The following THSD4 variants were observed in gnomAD, a reference collection of about 807,000 sequenced individuals.
THSD4 encodes thrombospondin type 1 domain containing 4.
A neutral mutation model predicts 119.0 loss-of-function variants in THSD4; 69 were observed. That is an observed-to-expected ratio of 0.58 (90% confidence interval 0.48 to 0.71). The LOEUF (loss-of-function observed/expected upper bound fraction) is 0.71, where lower values mean the gene tolerates loss of function less well. Among genes scored for constraint, THSD4 ranks in the 30% least tolerant of loss-of-function variants. THSD4 has a pLI of 0.00. For synonymous variants in THSD4, 524 were observed against 540.4 expected, an observed-to-expected ratio of 0.97 and a Z score of 0.42; for missense variants, 1,393 against 1,391.1, an observed-to-expected ratio of 1.00 and a Z score of -0.02.
At chr15:71,388,963 G>A (rs2046331870) in intron 6 of THSD4, among the ~76,000 whole-genome samples, 1 of 152,056 alleles carries the variant, frequency 6.6e-6, no homozygotes. Flanking sequence ...AGTCTCATGA[G>A]ATTTGATGGT....
rs71154789 is a variant in THSD4, at chr15:71,584,262, C to CTTTTTTTTTTT, written c.1153-76255_1153-76245dup. Among the ~76,000 whole-genome samples the CTTTTTTTTTTT allele has an allele frequency of 6.7e-3, 416 of 61,782 alleles. 13 individuals carry two copies. The highest frequency in any genetic ancestry group is 8.7e-3 in the Non-Finnish European group (317 of 36,396). The allele number at this position is 61,782 out of a possible 152,430, so 40.5% of individuals were successfully genotyped here. A position where few individuals can be genotyped will look rare whatever the true frequency, so the allele number is the denominator to read the frequency against. On this transcript the variant is annotated intron_variant, in intron 7 of 17. Coordinates refer to ENST00000261862, the MANE Select transcript of THSD4 (RefSeq NM_024817.3). ...TCACGTGGATTTTTTTTTTCACTTT[C>CTTTTTTTTTTT]TTTTTTTTTTTTTTTTTTTTTTTGA...
intron 1 of THSD4, among the ~76,000 whole-genome samples, chr15:71,117,197 T>A (rs987767624): frequency 3.3e-5 from 5 of 152,186 alleles, no homozygotes; most frequent in Non-Finnish European, 5.9e-5. Flanking sequence ...TGCCCAGCAC[T>A]GGGCGGGGCA....
chr15:71,310,084 T>G lies in THSD4; in HGVS notation c.1015+53369T>G, dbSNP rs564826771. ...AGCTATCAGTTGGATAATGCTAGTA[T>G]TAGGAGGTGATTTTCAAACCGTGGT... On this transcript the variant is annotated intron_variant, in intron 6 of 17. Coordinates refer to ENST00000261862, the MANE Select transcript of THSD4 (RefSeq NM_024817.3). Among the ~76,000 whole-genome samples, 148 of 152,300 alleles carry G rather than the reference T, an allele frequency of 9.7e-4. 4 individuals carry two copies. The South Asian group carries it at 0.03, about 31-fold the overall frequency.
chr15:71,432,595 G>A (rs1316711088), intron 7 of THSD4, among the ~76,000 whole-genome samples: 2 of 141,080 alleles, frequency 1.4e-5, no homozygotes, highest in African/African-American at 5.3e-5. Flanking sequence ...TGTAAATCTT[G>A]CTTGCAAGAG....
chr15:71,631,880 A>G (rs2050636472), intron 7 of THSD4, among the ~76,000 whole-genome samples: 1 of 152,290 alleles, frequency 6.6e-6, no homozygotes, highest in East Asian at 1.9e-4. Context: ...ATTCCGTCCA[A>G]TATCCCAAGC....
chr15:71,346,857 A>AT (rs1296728950), intron 6 of THSD4, among the ~76,000 whole-genome samples: 1 of 116,308 alleles, frequency 8.6e-6, no homozygotes, highest in African/African-American at 3.2e-5. Context: ...CATAAGTTTC[A>AT]TTTTCATTTT....
intron 7 of THSD4, among the ~76,000 whole-genome samples, chr15:71,460,474 G>T (rs575386619): frequency 6.6e-6 from 1 of 152,090 alleles, no homozygotes; most frequent in African/African-American, 2.4e-5. Context: ...TGCCAGTAGG[G>T]CTGGATGGCA....
At chr15:71,322,932 A>G (rs2045288037) in intron 6 of THSD4, among the ~76,000 whole-genome samples, 1 of 151,942 alleles carries the variant, frequency 6.6e-6, no homozygotes, top group Non-Finnish European at 1.5e-5. Flanking sequence ...CTCAGTCTCA[A>G]CTAAAACTCC....
intron 8 of THSD4, among the ~76,000 whole-genome samples, chr15:71,673,362 A>G (rs1157823754): frequency 6.6e-6 from 1 of 151,998 alleles, no homozygotes; most frequent in Non-Finnish European, 1.5e-5. Context: ...TATTGCGTCT[A>G]TTTGATTCTT....
chr15:71,529,486 C>T (rs2048578056), intron 7 of THSD4, among the ~76,000 whole-genome samples: 1 of 152,170 alleles, frequency 6.6e-6, no homozygotes, highest in East Asian at 1.9e-4. Context: ...ATGAGGTTCT[C>T]TGTCAGCAGG....
intron 7 of THSD4, among the ~76,000 whole-genome samples, chr15:71,504,958 G>T (rs1464360334): frequency 1.3e-5 from 2 of 152,160 alleles, no homozygotes; most frequent in African/African-American, 4.8e-5. Context: ...GCATGGTCAG[G>T]TGTGTTGTAG....
At chr15:71,423,862 G>C (rs1163717029) in intron 7 of THSD4, among the ~76,000 whole-genome samples, 1 of 152,174 alleles carries the variant, frequency 6.6e-6, no homozygotes, top group Admixed American at 6.5e-5. Flanking sequence ...CAACCACTGG[G>C]ATGGATGAGT....
At chr15:71,732,581 A>T (rs973169442) in intron 10 of THSD4, 1 of 152,170 alleles carries the variant, frequency 6.6e-6, no homozygotes, top group African/African-American at 2.4e-5. Context: ...GGGCTTAGAA[A>T]CTGCTGTGCT....
intron 3 of THSD4, among the ~76,000 whole-genome samples, chr15:71,208,544 C>T (rs1345967461): frequency 6.7e-6 from 1 of 148,802 alleles, no homozygotes; most frequent in African/African-American, 2.5e-5. Context: ...TGGAGTCTTT[C>T]TCTGTCGCCC....
At chr15:71,525,568 A>G (rs1377856355) in intron 7 of THSD4, among the ~76,000 whole-genome samples, 2 of 152,250 alleles carry the variant, frequency 1.3e-5, no homozygotes, top group East Asian at 1.9e-4. Flanking sequence ...TACAATGTAC[A>G]GAGAAATCTG....
chr15:71,097,362 C>T (rs555792384), intron 1 of THSD4, among the ~76,000 whole-genome samples: 35 of 152,016 alleles, frequency 2.3e-4, no homozygotes, highest in African/African-American at 8.0e-4. Flanking sequence ...CACAGGAGTT[C>T]GCAACCAGCC....
At chr15:71,438,671 G>A (rs555991091) in intron 7 of THSD4, among the ~76,000 whole-genome samples, 1 of 149,542 alleles carries the variant, frequency 6.7e-6, no homozygotes. Context: ...TATTACTTGT[G>A]TATATTTTTG....
intron 1 of THSD4, among the ~76,000 whole-genome samples, chr15:71,138,428 T>C (rs1369421991): frequency 6.6e-6 from 1 of 152,150 alleles, no homozygotes; most frequent in African/African-American, 2.4e-5. Context: ...GAACCAAACA[T>C]TGTCAACCAC....
intron 6 of THSD4, among the ~76,000 whole-genome samples, chr15:71,291,033 A>G (rs979349350): frequency 6.6e-6 from 1 of 152,046 alleles, no homozygotes; most frequent in African/African-American, 2.4e-5. Flanking sequence ...TAATTTTTCT[A>G]GACAATGTGA....
Sources: gnomAD v4.1 joint callset for allele counts (sites outside exome capture counted in the v4.1 genomes callset) on GRCh38, gnomAD v4.1.1 for gene constraint, MANE v1.5 for transcripts, NCBI Gene and HGNC (gene_info 2026-07-23, HGNC 2026-07-21) for gene names.